Variants in S100A8 observed in about 807,000 individuals in gnomAD.
S100A8 encodes the protein protein S100-A8.
A neutral mutation model predicts 4.2 loss-of-function variants in S100A8; 1 was observed. That is an observed-to-expected ratio of 0.24 (90% CI 0.08 to 1.12). The LOEUF (loss-of-function observed/expected upper bound fraction) is 1.12, where lower values mean the gene tolerates loss of function less well. Ranked by LOEUF, S100A8 falls within the 50% of genes most tolerant of loss-of-function variation. The pLI is 0.53. For missense variants in S100A8, 96 were observed against 111.8 expected, an observed-to-expected ratio of 0.86 and a Z score of 0.64; for synonymous variants, 41 against 44.7, an observed-to-expected ratio of 0.92 and a Z score of 0.33.
chr1:153,419,319 A>C, the S100A8 span: 2 of 1,611,746 alleles, frequency 1.2e-6, no homozygotes, highest in African/African-American at 2.7e-5. Context: ...ATCCAGCCCC[A>C]CCAAGGGGCC....
chr1:153,415,213 C>T, the S100A8 span, among the ~76,000 whole-genome samples: 9 of 151,234 alleles, frequency 6.0e-5, no homozygotes, highest in East Asian at 3.9e-4. Flanking sequence ...TATCTTTTGC[C>T]GCTAAAAGTA....
the S100A8 span, among the ~76,000 whole-genome samples, chr1:153,411,417 T>C: frequency 2.6e-5 from 4 of 152,222 alleles, no homozygotes; most frequent in Non-Finnish European, 4.4e-5. Flanking sequence ...GGAATCCAAC[T>C]TACAAGGGAT....
At chr1:153,408,369 G>A in the S100A8 span, among the ~76,000 whole-genome samples, 1 of 152,314 alleles carries the variant, frequency 6.6e-6, no homozygotes, top group Admixed American at 6.5e-5. Flanking sequence ...CAGGAAGAAA[G>A]GGTAGCAGTG....
chr1:153,391,362 C>T (rs1325486597), upstream of S100A8, among the ~76,000 whole-genome samples: 1 of 152,202 alleles, frequency 6.6e-6, no homozygotes, highest in Non-Finnish European at 1.5e-5. Flanking sequence ...CAGATTCCCA[C>T]TCCCATGCCC....
the S100A8 span, chr1:153,419,267 G>A: frequency 3.7e-6 from 6 of 1,614,182 alleles, no homozygotes; most frequent in African/African-American, 6.7e-5. Context: ...ACTACCACAA[G>A]CAGAGCCATG....
At chr1:153,419,090 C>T in the S100A8 span, 4 of 1,588,476 alleles carry the variant, frequency 2.5e-6, no homozygotes, top group African/African-American at 4.0e-5. Flanking sequence ...CCCCTCCCAG[C>T]CCAAAACTTG....
chr1:153,410,062 T>A, the S100A8 span, among the ~76,000 whole-genome samples: 3 of 151,912 alleles, frequency 2.0e-5, no homozygotes, highest in Non-Finnish European at 4.4e-5. Flanking sequence ...ACATCACAAT[T>A]AAAAGAACTA....
At chr1:153,419,160 C>A in the S100A8 span, 226 of 1,614,048 alleles carry the variant, frequency 1.4e-4, no homozygotes, top group Non-Finnish European at 1.7e-4. Context: ...AAAGGGCATA[C>A]ATTACCTCGC....
chr1:153,405,930 T>C, the S100A8 span, among the ~76,000 whole-genome samples: 16 of 152,274 alleles, frequency 1.1e-4, no homozygotes, highest in South Asian at 3.3e-3. Context: ...ACTCTCTCTC[T>C]GTCTCTCTGT....
the S100A8 span, among the ~76,000 whole-genome samples, chr1:153,405,239 A>G: frequency 2.0e-5 from 3 of 151,666 alleles, no homozygotes; most frequent in Admixed American, 2.0e-4. Context: ...ACTTCCTAGC[A>G]CTGTCTGTGT....
the S100A8 span, among the ~76,000 whole-genome samples, chr1:153,408,059 C>T: frequency 2.6e-5 from 4 of 152,198 alleles, no homozygotes; most frequent in African/African-American, 9.7e-5. Flanking sequence ...AATCAGAGCA[C>T]CTCTTCTCCT....
the S100A8 span, among the ~76,000 whole-genome samples, chr1:153,416,150 T>C: frequency 3.3e-5 from 5 of 152,310 alleles, no homozygotes; most frequent in South Asian, 2.1e-4. Flanking sequence ...AACAAATGTG[T>C]GGAAGTACTG....
At chr1:153,418,175 C>A in the S100A8 span, 6 of 1,614,012 alleles carry the variant, frequency 3.7e-6, no homozygotes, top group Non-Finnish European at 5.1e-6. Context: ...AGAAGCCAAG[C>A]CTGCTGACGA....
At chr1:153,399,822 G>A in the S100A8 span, among the ~76,000 whole-genome samples, 1 of 152,196 alleles carries the variant, frequency 6.6e-6, no homozygotes, top group African/African-American at 2.4e-5. Flanking sequence ...TTGCAAGGAG[G>A]AAAGGAGAAC....
At chr1:153,406,843 C>T in the S100A8 span, among the ~76,000 whole-genome samples, 2 of 152,172 alleles carry the variant, frequency 1.3e-5, no homozygotes, top group African/African-American at 4.8e-5. Flanking sequence ...TTGTTCCAGA[C>T]ATGACACAGG....
chr1:153,413,203 CA>C, the S100A8 span, among the ~76,000 whole-genome samples: 1 of 151,896 alleles, frequency 6.6e-6, no homozygotes. Context: ...AACCTCAATA[CA>C]AAAAAAGAAA....
the S100A8 span, among the ~76,000 whole-genome samples, chr1:153,408,758 A>G: frequency 0.024 from 3,732 of 152,348 alleles, 156 homozygotes; most frequent in African/African-American, 0.084. Context: ...AGGGAAGCCC[A>G]TCACACTAAC....
the S100A8 span, among the ~76,000 whole-genome samples, chr1:153,396,926 C>T: frequency 3.3e-5 from 5 of 152,312 alleles, no homozygotes; most frequent in Admixed American, 3.3e-4. Flanking sequence ...ACTCTGAATG[C>T]TGCAAAGAGA....
the S100A8 span, chr1:153,422,364 G>A: frequency 1.5e-5 from 4 of 267,732 alleles, no homozygotes; most frequent in Admixed American, 2.6e-4. Flanking sequence ...AGGCCTAAGG[G>A]CACAGGTATT....
Sources: gnomAD v4.1 joint callset for allele counts (sites outside exome capture counted in the v4.1 genomes callset) on GRCh38, gnomAD v4.1.1 for gene constraint, MANE v1.5 for transcripts, NCBI Gene and HGNC (gene_info 2026-07-23, HGNC 2026-07-21) for gene names.